The following LPIN2 variants were observed in gnomAD, a reference collection of about 807,000 sequenced individuals.
LPIN2 encodes lipin 2.
LPIN2 carries 55 observed loss-of-function variants against 111.4 expected under a neutral mutation model. The ratio of observed to expected loss-of-function variants is 0.49; its 90% CI spans 0.40 to 0.62. The LOEUF (loss-of-function observed/expected upper bound fraction) is 0.62, where lower values mean the gene tolerates loss of function less well. Ranked by LOEUF, LPIN2 falls within the 20% of genes least tolerant of loss-of-function variation. The pLI, the probability that LPIN2 is intolerant of heterozygous loss-of-function variation, is 0.00. For synonymous variants in LPIN2, 425 were observed against 414.0 expected, an observed-to-expected ratio of 1.03 and a Z score of -0.32; for missense variants, 992 against 1,112.1, an observed-to-expected ratio of 0.89 and a Z score of 1.54.
chr18:2,969,376 G>A (rs638331), intron 1 of LPIN2, among the ~76,000 whole-genome samples: 82,416 of 151,996 alleles, frequency 0.54, 22,985 homozygotes, highest in Non-Finnish European at 0.61. Flanking sequence ...CTGGTGTTGG[G>A]CCTCAGAGGA....
intron 4 of LPIN2, among the ~76,000 whole-genome samples, chr18:2,947,700 GA>G (rs1228988176): frequency 6.6e-6 from 1 of 152,134 alleles, no homozygotes; most frequent in Non-Finnish European, 1.5e-5. Context: ...ATCTTCTCTG[GA>G]AAAATAATTT....
At chr18:2,937,588 CTGG>C (rs1362639622) in intron 7 of LPIN2, 101 bp downstream of exon 7, 2 of 661,548 alleles carry the variant, frequency 3.0e-6, no homozygotes, top group Non-Finnish European at 5.2e-6. Flanking sequence ...CGGGTTTCGA[CTGG>C]TGAATACAAA....
At chr18:2,921,197 C>A in intron 18 of LPIN2, 1 of 545,374 alleles carries the variant, frequency 1.8e-6, no homozygotes, top group Non-Finnish European at 3.3e-6. Flanking sequence ...GAAGTGCTAG[C>A]GAAGGGCCAG....
In LPIN2 at chr18:2,925,214, C is replaced by T. The variant is rs750261432; in HGVS notation, c.1938+10G>A. 11 of 1,614,046 alleles carry T rather than the reference C, an allele frequency of 6.8e-6. No homozygotes were observed. The East Asian group carries it at 2.2e-4, about 33-fold the overall frequency. ...GTCCTACTGGACAACACAGATCATGCAAGACTCACGATCTGGTCTGAGGAG... is the reference window on the plus strand; with the variant it reads ...GTCCTACTGGACAACACAGATCATGTAAGACTCACGATCTGGTCTGAGGAG... On this transcript the variant is annotated intron_variant, in intron 14 of 19. Transcript: ENST00000677752. This position sits in a 1 kb window ranked among gnomAD's most constrained non-coding sequence, Gnocchi z 4.1.
chr18:2,919,314 T>G lies in LPIN2; in HGVS notation c.*979A>C, dbSNP rs2144103797. On this transcript the variant is annotated 3_prime_UTR_variant, in exon 20 of 20. Transcript: ENST00000677752. Reference sequence around the variant, plus strand: ...CCCAAAAGCCAAAGTCACACACTGCTGGCCAGTGCCTTTAAGCAAGCTTCA... The same window carrying G: ...CCCAAAAGCCAAAGTCACACACTGCGGGCCAGTGCCTTTAAGCAAGCTTCA... 1 of 151,062 alleles carries G rather than the reference T, an allele frequency of 6.6e-6. No individual in the cohort carries two copies. The highest frequency in any genetic ancestry group is 1.5e-5 in the Non-Finnish European group (1 of 67,720). The allele number at this position is 151,062 out of a possible 1,614,324, so 9.4% of individuals were successfully genotyped here. A position where few individuals can be genotyped will look rare whatever the true frequency, so the allele number is the denominator to read the frequency against.
chr18:2,926,136 T>A (rs2077126614), intron 13 of LPIN2, among the ~76,000 whole-genome samples: 1 of 151,694 alleles, frequency 6.6e-6, no homozygotes, highest in African/African-American at 2.4e-5. Context: ...AAACAAAAAC[T>A]AGTAAGAAAA....
intron 2 of LPIN2, 74 bp from the exon 3 acceptor site, chr18:2,954,673 G>T: frequency 9.6e-7 from 1 of 1,037,680 alleles, no homozygotes; most frequent in Non-Finnish European, 1.5e-6. Flanking sequence ...AGAACTCTGA[G>T]TTCTCAAGTC....
At chr18:2,981,238 T>C (rs2078105833) in intron 1 of LPIN2, among the ~76,000 whole-genome samples, 1 of 152,238 alleles carries the variant, frequency 6.6e-6, no homozygotes, top group South Asian at 2.1e-4. Context: ...AAAACCAGGG[T>C]TCTCCCTCTA....
rs149602674 is a variant in LPIN2 at position 3,006,508 on chromosome 18, T to G, written c.-10+6579A>C. Among the ~76,000 whole-genome samples the G allele has an allele frequency of 2.6e-5, 4 of 151,972 alleles. No individual in the cohort carries two copies. In the East Asian group the frequency reaches 7.7e-4, roughly 29 times the overall value. On this transcript the variant is annotated intron_variant, in intron 1 of 19. Coordinates refer to ENST00000677752, the MANE Select transcript of LPIN2 (RefSeq NM_001375808.2). ...GAGTTCGAGACCAGCCTGGGCAACA[T>G]AGTGAAGCCTGGTCTCTACAAAAAA...
rs72384772 is a variant in LPIN2 at position 2,960,180 on chromosome 18, G to GTA, written c.192+468_192+469insTA. On this transcript the variant is annotated intron_variant, in intron 2 of 19. Coordinates refer to ENST00000677752, the MANE Select transcript of LPIN2 (RefSeq NM_001375808.2). ...GCGAGACTCCGACTCAAAAATGTGT[G>GTA]TGTGTGTGTGTGTGTGTGTGTGTGT... Among the ~76,000 whole-genome samples the GTA allele has an allele frequency of 7.4e-3, 931 of 125,824 alleles. 7 individuals are homozygous for GTA. The highest frequency in any genetic ancestry group is 0.033 in the African/African-American group (869 of 26,466). 82.5% of individuals were successfully genotyped at this position (125,824 alleles called of 152,430 possible). A position where few individuals can be genotyped will look rare whatever the true frequency, so the allele number is the denominator to read the frequency against.
intron 7 of LPIN2, among the ~76,000 whole-genome samples, chr18:2,936,755 T>G (rs1325125633): frequency 1.3e-5 from 2 of 152,066 alleles, no homozygotes; most frequent in Non-Finnish European, 2.9e-5. Context: ...CAGTTTTTTA[T>G]GTTTGATAGA....
intron 8 of LPIN2, among the ~76,000 whole-genome samples, chr18:2,932,203 C>T (rs1160453372): frequency 1.3e-5 from 2 of 152,054 alleles, no homozygotes; most frequent in African/African-American, 2.4e-5. Flanking sequence ...TCTCACAGTC[C>T]CCAATGCTTA....
chr18:2,924,430 G>C lies in LPIN2; in HGVS notation c.2055C>G (p.Ile685Met). Residue 685 changes from isoleucine (I) to methionine (M), a missense_variant, in exon 15 of 20, where the codon ATC becomes ATG. Transcript: ENST00000677752. ...TIYLWNWNDK[I>M]IISDIDGTIT... Reference sequence around the variant, plus strand: ...TTGTCCCATCAATATCAGAAATGATGATCTTGTCATTCCAGTTCCACAGGT... The same window carrying C: ...TTGTCCCATCAATATCAGAAATGATCATCTTGTCATTCCAGTTCCACAGGT... 6.2e-7 allele frequency: 1 copy of C among 1,614,188 alleles called. No homozygotes were observed. The highest frequency in any genetic ancestry group is 8.5e-7 in the Non-Finnish European group (1 of 1,180,034).
At chr18:2,989,812 C>CG (rs2078238117) in intron 1 of LPIN2, among the ~76,000 whole-genome samples, 1 of 151,434 alleles carries the variant, frequency 6.6e-6, no homozygotes, top group South Asian at 2.1e-4. Flanking sequence ...CCCAGCCACT[C>CG]GGGAGGCTGA....
chr18:3,001,569 G>A (rs889817373), intron 1 of LPIN2, among the ~76,000 whole-genome samples: 1 of 152,020 alleles, frequency 6.6e-6, no homozygotes, highest in Admixed American at 6.6e-5. Context: ...TATAAGAGAT[G>A]AACCTTCATC....
chr18:2,937,671 C>A (rs775343264), intron 7 of LPIN2, 21 bp downstream of exon 7: 8 of 1,600,148 alleles, frequency 5.0e-6, no homozygotes, highest in Non-Finnish European at 6.8e-6. Context: ...GTACCTGGAG[C>A]CAAATTAAAC....
At chr18:3,009,907 G>C (rs1357532085) in intron 1 of LPIN2, among the ~76,000 whole-genome samples, 3 of 152,176 alleles carry the variant, frequency 2.0e-5, no homozygotes, top group African/African-American at 7.2e-5. Context: ...GACATTAAGA[G>C]TTTTATCTTG....
chr18:2,958,726 C>T (rs1220794459), intron 2 of LPIN2, among the ~76,000 whole-genome samples: 1 of 152,024 alleles, frequency 6.6e-6, no homozygotes, highest in East Asian at 1.9e-4. Context: ...AACGTTTTGA[C>T]AAGATAGTAA....
At position 2,983,019 on chromosome 18, in the gene LPIN2, G is replaced by A. The variant is rs139920768; in HGVS notation, c.-9-22170C>T. On this transcript the variant is annotated intron_variant, in intron 1 of 19. Coordinates refer to ENST00000677752, the MANE Select transcript of LPIN2 (RefSeq NM_001375808.2). ...GGGCATGGGACAGGTTGTGCCATGT[G>A]TTTACACTGATAGGCACCAAGACCT... is the stretch of plus-strand genomic sequence containing the variant. 970 of 300,020 alleles carry A rather than the reference G, an allele frequency of 3.2e-3. 8 individuals carry two copies. The highest frequency in any genetic ancestry group is 5.0e-3 in the Middle Eastern group (4 of 806). The allele number at this position is 300,020 out of a possible 1,614,324, so 18.6% of individuals were successfully genotyped here.
Sources: allele counts gnomAD v4.1 joint callset (sites outside exome capture counted in the v4.1 genomes callset), GRCh38; gene constraint gnomAD v4.1.1; non-coding constraint Gnocchi (gnomAD v3.1); transcripts MANE v1.5; gene names NCBI Gene and HGNC (gene_info 2026-07-23, HGNC 2026-07-21).